Variants in SIL1 observed in about 807,000 individuals in gnomAD.
SIL1 encodes nucleotide exchange factor SIL1.
SIL1 carries 40 observed loss-of-function variants against 49.1 expected under a neutral mutation model. The ratio of observed to expected loss-of-function variants is 0.81; its 90% CI spans 0.63 to 1.06. The LOEUF is 1.06. SIL1 is among the 50% of genes least tolerant of loss of function. The probability of loss-of-function intolerance (pLI) is 0.00; values close to 1 mark genes in which losing one functional copy is unlikely to be tolerated. For missense variants in SIL1, 500 were observed against 572.6 expected (o/e 0.87, Z 1.29); for synonymous variants, 253 against 250.8 (o/e 1.01, Z -0.08).
intron 3 of SIL1, among the ~76,000 whole-genome samples, chr5:139,081,027 T>C (rs1228465167): frequency 1.3e-5 from 2 of 152,102 alleles, no homozygotes; most frequent in Non-Finnish European, 2.9e-5. Flanking sequence ...TAAAAAAGAG[T>C]TGGACTACCT....
chr5:139,077,273 T>C (rs1190120159), intron 3 of SIL1, among the ~76,000 whole-genome samples: 2 of 152,246 alleles, frequency 1.3e-5, no homozygotes, highest in Non-Finnish European at 2.9e-5. Flanking sequence ...TGTGGCTTAA[T>C]ACATAATACC....
At chr5:139,102,493 AAAAAAAAAGAG>A (rs1352270094) in intron 3 of SIL1, among the ~76,000 whole-genome samples, 4 of 124,180 alleles carry the variant, frequency 3.2e-5, no homozygotes, top group Non-Finnish European at 5.7e-5. Context: ...GCAAAAAAAA[AAAAAAAAAGAG>A]AGAGAGAGAG....
chr5:139,131,041 T>G (rs977738974), intron 1 of SIL1, among the ~76,000 whole-genome samples: 1 of 152,222 alleles, frequency 6.6e-6, no homozygotes, highest in African/African-American at 2.4e-5. Flanking sequence ...TCTAGTAAAC[T>G]AGGATAGACG....
intron 1 of SIL1, among the ~76,000 whole-genome samples, chr5:139,175,528 G>C (rs766304945): frequency 1.3e-5 from 2 of 152,324 alleles, no homozygotes; most frequent in Non-Finnish European, 1.5e-5. Context: ...CCCTAGACCT[G>C]ATGGCTTCAC....
intron 1 of SIL1, among the ~76,000 whole-genome samples, chr5:139,143,336 C>CATATATATATATAT (rs1462318169): frequency 1.2e-5 from 1 of 80,480 alleles, no homozygotes; most frequent in African/African-American, 6.2e-5. Flanking sequence ...CACACACACA[C>CATATATATATATAT]ACACACACAT....
chr5:139,000,981 A>T (rs903653105), intron 7 of SIL1, among the ~76,000 whole-genome samples: 7 of 152,096 alleles, frequency 4.6e-5, no homozygotes, highest in Non-Finnish European at 7.4e-5. Context: ...AGAGGCAATT[A>T]AAAAAGATGG....
Position 139,027,002 on chromosome 5 carries a change from G to C in SIL1, c.454-10C>G, listed in dbSNP as rs766089372. 1.1e-5 allele frequency: 18 copies of C among 1,613,930 alleles called. 1 individual carries two copies. Among genetic ancestry groups the C allele is most frequent in the Non-Finnish European group, 1.0e-5 (12 of 1,179,962 alleles). On this transcript the variant is annotated splice_polypyrimidine_tract_variant and intron_variant, in intron 5 of 9. Transcript: ENST00000394817. ...CCTCAGCCTGCCTTGCCTAAGGAGA[G>C]CAGCAAAGAGGTGATTAAATTGGTT...
intron 3 of SIL1, among the ~76,000 whole-genome samples, chr5:139,087,737 G>A (rs1770254518): frequency 2.0e-5 from 3 of 152,162 alleles, no homozygotes; most frequent in Non-Finnish European, 1.5e-5. Context: ...AAAAGTAGGG[G>A]AAGGCCACAG....
At chr5:139,012,549 A>G (rs1031248824) in intron 7 of SIL1, 1 of 152,246 alleles carries the variant, frequency 6.6e-6, no homozygotes, top group Non-Finnish European at 1.5e-5. Context: ...TACCATTTTC[A>G]CACCAAAAAT....
chr5:139,089,079 TC>T (rs1394096938), intron 3 of SIL1, among the ~76,000 whole-genome samples: 2 of 152,194 alleles, frequency 1.3e-5, no homozygotes, highest in South Asian at 2.1e-4. Flanking sequence ...GTGGCAGAAC[TC>T]CAAGCTCTAG....
Position 139,189,179 on chromosome 5 carries a change from G to A in SIL1, c.-11+9090C>T, listed in dbSNP as rs373674587. On this transcript the variant is annotated intron_variant, in intron 1 of 9. Coordinates refer to ENST00000394817, the MANE Select transcript of SIL1 (RefSeq NM_022464.5). Reference sequence around the variant, plus strand: ...TTTACATCAGGGGTCCCAAACCCCCGATACTGGTCTGTAGCCTATCAGAAA... The same window carrying A: ...TTTACATCAGGGGTCCCAAACCCCCAATACTGGTCTGTAGCCTATCAGAAA... Among the ~76,000 whole-genome samples, 24 of 152,218 alleles carry A rather than the reference G, an allele frequency of 1.6e-4. No individual in the cohort carries two copies. The East Asian group carries it at 3.3e-3, about 21-fold the overall frequency.
Position 139,197,234 on chromosome 5 carries a change from C to A in SIL1, c.-11+1035G>T, listed in dbSNP as rs560956968. On this transcript the variant is annotated intron_variant, in intron 1 of 9. Transcript: ENST00000394817. ...TGTGAGTCGAGATGGCACCATTGCA[C>A]TCCAGCCTGAGAAACAAGAGCGAAA... 8.1e-4 allele frequency among the ~76,000 whole-genome samples: 111 copies of A among 137,110 alleles called. 2 individuals carry two copies. The highest frequency in any genetic ancestry group is 4.5e-3 in the Middle Eastern group (1 of 224). The allele number at this position is 137,110 out of a possible 152,430, so 89.9% of individuals were successfully genotyped here.
rs1766668399 is a variant in SIL1, at chr5:138,947,737, A to G, written c.1030-264T>C. On this transcript the variant is annotated intron_variant, in intron 9 of 9. Coordinates refer to ENST00000394817, the MANE Select transcript of SIL1 (RefSeq NM_022464.5). This position sits in a 1 kb window ranked among gnomAD's most constrained non-coding sequence, Gnocchi z 4.1. ...ACCCTCAAGGAGCTTAAGGTCTAGC[A>G]GGAGAATAAAAATTAACTAATTCCC... is the stretch of plus-strand genomic sequence containing the variant. 6.6e-6 allele frequency among the ~76,000 whole-genome samples: 1 copy of G among 152,256 alleles called. No homozygotes were observed. Among genetic ancestry groups the G allele is most frequent in the Non-Finnish European group, 1.5e-5 (1 of 68,052 alleles).
chr5:138,999,641 C>A (rs1033543581), intron 7 of SIL1, among the ~76,000 whole-genome samples: 1 of 152,154 alleles, frequency 6.6e-6, no homozygotes, highest in Non-Finnish European at 1.5e-5. Context: ...GCAACAGAGA[C>A]CCTGTCTCTA....
intron 5 of SIL1, among the ~76,000 whole-genome samples, chr5:139,030,098 G>A (rs1425835477): frequency 6.6e-6 from 1 of 151,108 alleles, no homozygotes; most frequent in Non-Finnish European, 1.5e-5. Context: ...TGGGTGGATC[G>A]CTTGAGCCAG....
chr5:139,090,364 G>A (rs1252096355), intron 3 of SIL1, among the ~76,000 whole-genome samples: 1 of 152,096 alleles, frequency 6.6e-6, no homozygotes, highest in African/African-American at 2.4e-5. Context: ...CTCTTCTGGG[G>A]CTCATCAGTT....
intron 7 of SIL1, among the ~76,000 whole-genome samples, chr5:138,974,818 A>G (rs936210252): frequency 6.6e-6 from 1 of 152,194 alleles, no homozygotes; most frequent in African/African-American, 2.4e-5. Context: ...TTTCCTTACA[A>G]TGTGCTGTGT....
chr5:139,090,982 G>A (rs985396076), intron 3 of SIL1, among the ~76,000 whole-genome samples: 5 of 152,122 alleles, frequency 3.3e-5, no homozygotes, highest in Non-Finnish European at 7.4e-5. Flanking sequence ...TTAACCCCAT[G>A]TCTTATGCCT....
intron 3 of SIL1, among the ~76,000 whole-genome samples, chr5:139,117,957 A>G (rs973917412): frequency 6.6e-6 from 1 of 152,128 alleles, no homozygotes; most frequent in Non-Finnish European, 1.5e-5. Flanking sequence ...AAAACAGCCC[A>G]CGAAACCTAG....
Sources: gnomAD v4.1 joint callset for allele counts (sites outside exome capture counted in the v4.1 genomes callset) on GRCh38, gnomAD v4.1.1 for gene constraint, Gnocchi (gnomAD v3.1) non-coding constraint, MANE v1.5 for transcripts, NCBI Gene and HGNC (gene_info 2026-07-23, HGNC 2026-07-21) for gene names.